Variants in TBC1D22B observed in about 807,000 individuals in gnomAD.
TBC1D22B encodes the protein TBC1 domain family member 22B, also known as chromosome 6 open reading frame 197.
Under a neutral mutation model 69.1 loss-of-function variants are expected in TBC1D22B, and 32 were observed. That is an observed-to-expected ratio of 0.46 (90% confidence interval 0.35 to 0.62). The LOEUF (loss-of-function observed/expected upper bound fraction) is 0.62, where lower values mean the gene tolerates loss of function less well. Among genes scored for constraint, TBC1D22B ranks in the 20% least tolerant of loss-of-function variants. The pLI, the probability that TBC1D22B is intolerant of heterozygous loss-of-function variation, is 0.00. For synonymous variants in TBC1D22B, 206 were observed against 229.8 expected (o/e 0.90, Z 0.94); for missense variants, 462 against 630.9 (o/e 0.73, Z 2.87).
intron 8 of TBC1D22B, among the ~76,000 whole-genome samples, chr6:37,306,550 A>T (rs1562060545): frequency 6.6e-6 from 1 of 152,148 alleles, no homozygotes; most frequent in Non-Finnish European, 1.5e-5. Flanking sequence ...CCAAATACTC[A>T]GAGTTTGGGC....
intron 7 of TBC1D22B, among the ~76,000 whole-genome samples, chr6:37,288,038 A>G (rs1271949111): frequency 6.6e-6 from 1 of 152,228 alleles, no homozygotes; most frequent in African/African-American, 2.4e-5. Flanking sequence ...AGTAGCCAGG[A>G]CACTAAGTAC....
intron 2 of TBC1D22B, among the ~76,000 whole-genome samples, chr6:37,276,032 A>G (rs183777641): frequency 3.8e-4 from 55 of 146,360 alleles, no homozygotes; most frequent in African/African-American, 1.1e-3. Flanking sequence ...TGGCACAATT[A>G]TGGCTCACTG....
rs116339570 is a variant in TBC1D22B at position 37,309,960 on chromosome 6, T to C, written c.983-2958T>C. ...AATTATATAATATTAAAATATAATA[T>C]AAAACATAATATAAAATATTAGGTA... On this transcript the variant is annotated intron_variant, in intron 8 of 12. Coordinates refer to ENST00000373491, the MANE Select transcript of TBC1D22B (RefSeq NM_017772.4). 7.7e-3 allele frequency among the ~76,000 whole-genome samples: 1,144 copies of C among 147,786 alleles called. 7 individuals carry two copies. The highest frequency in any genetic ancestry group is 0.029 in the Middle Eastern group (8 of 280).
intron 5 of TBC1D22B, 49 bp downstream of exon 5, chr6:37,283,001 C>A (rs755230563): frequency 6.5e-7 from 1 of 1,544,564 alleles, no homozygotes; most frequent in Non-Finnish European, 8.9e-7. Flanking sequence ...CACAGCCCTT[C>A]TTGCCTGATG....
chr6:37,313,359 G>A (rs563275680), intron 9 of TBC1D22B, among the ~76,000 whole-genome samples: 10 of 152,170 alleles, frequency 6.6e-5, no homozygotes, highest in East Asian at 3.9e-4. Context: ...GCGTGGTGGC[G>A]TGTGCCTATA....
rs761518228 is a variant in TBC1D22B, at chr6:37,284,369, T to C, written c.706T>C (p.Leu236=). 1.2e-6 allele frequency: 2 copies of C among 1,614,048 alleles called. No individual in the cohort carries two copies. Among genetic ancestry groups the C allele is most frequent in the Admixed American group, 3.3e-5 (2 of 59,978 alleles). The change falls in exon 6 of 13, where the codon TTG becomes CTG. Residue 236 remains leucine (L), a synonymous_variant. Transcript: ENST00000373491. ...CCCAGCAAACACTGAGAGGAGGAAG[T>C]TGACCCTGCAGCGGAAGCGGGAGGA... is the stretch of plus-strand genomic sequence containing the variant. ...YLPANTERRK[L]TLQRKREEYF...
In TBC1D22B at chr6:37,331,116, G is replaced by A. The variant is rs1396964945; in HGVS notation, c.1462G>A (p.Glu488Lys). The change falls in exon 13 of 13, where the codon GAG becomes AAG. Residue 488 changes from glutamate (E) to lysine (K), a missense_variant. This residue lies in a region of TBC1D22B where 225 missense variants were observed against 375.4 expected (regional missense o/e 0.60). Coordinates refer to ENST00000373491, the MANE Select transcript of TBC1D22B (RefSeq NM_017772.4). ...GNEEIGLLLAEAYRLKYMFAD... is the reference protein window; with the variant it reads ...GNEEIGLLLAKAYRLKYMFAD... ...CGAAGAAATTGGGCTGCTTCTCGCC[G>A]AGGCATACAGACTCAAGTACATGTT... 5 of 1,614,066 alleles carry A rather than the reference G, an allele frequency of 3.1e-6. No homozygotes were observed. Among genetic ancestry groups the A allele is most frequent in the East Asian group, 2.2e-5 (1 of 44,872 alleles).
chr6:37,275,474 CCTT>C (rs757290360), intron 2 of TBC1D22B, among the ~76,000 whole-genome samples: 1 of 152,114 alleles, frequency 6.6e-6, no homozygotes, highest in African/African-American at 2.4e-5. Context: ...TAGGCCCTGA[CCTT>C]CTTCTTTTTA....
intron 12 of TBC1D22B, among the ~76,000 whole-genome samples, chr6:37,327,083 G>A (rs536963462): frequency 7.6e-4 from 116 of 152,304 alleles, no homozygotes; most frequent in African/African-American, 2.5e-3. Flanking sequence ...GAAGGAGGTA[G>A]GAAGCAGCAG....
chr6:37,265,897 CTCT>C (rs1766257173), intron 1 of TBC1D22B, among the ~76,000 whole-genome samples: 1 of 151,992 alleles, frequency 6.6e-6, no homozygotes, highest in Non-Finnish European at 1.5e-5. Flanking sequence ...TTAGGATCAC[CTCT>C]GTTATGTGAA....
chr6:37,317,867 G>A (rs1768127176), intron 12 of TBC1D22B, among the ~76,000 whole-genome samples: 1 of 152,162 alleles, frequency 6.6e-6, no homozygotes, highest in Admixed American at 6.5e-5. Flanking sequence ...TCAGGCAGCA[G>A]CATGCCTGAG....
At chr6:37,328,282 G>T (rs749939643) in intron 12 of TBC1D22B, among the ~76,000 whole-genome samples, 19 of 152,150 alleles carry the variant, frequency 1.2e-4, no homozygotes, top group Non-Finnish European at 2.6e-4. Context: ...TCCAGCCTGG[G>T]CAATAGAGCA....
At chr6:37,291,459 T>C (rs1767180702) in intron 8 of TBC1D22B, 102 bp downstream of exon 8, 4 of 813,386 alleles carry the variant, frequency 4.9e-6, no homozygotes, top group Non-Finnish European at 7.6e-6. Context: ...TATGTCTTGC[T>C]AGAAAATAGA....
intron 8 of TBC1D22B, among the ~76,000 whole-genome samples, chr6:37,306,345 G>A (rs1387230785): frequency 1.3e-5 from 2 of 152,180 alleles, no homozygotes; most frequent in Non-Finnish European, 2.9e-5. Flanking sequence ...GAAGATATTT[G>A]AGCCTACATG....
chr6:37,327,422 G>A (rs935342525), intron 12 of TBC1D22B, among the ~76,000 whole-genome samples: 3 of 84,460 alleles, frequency 3.6e-5, no homozygotes, highest in Non-Finnish European at 6.3e-5. Context: ...AGCTTGCAGT[G>A]AGCCGAGATC....
chr6:37,267,668 T>C (rs1295581172), intron 1 of TBC1D22B, among the ~76,000 whole-genome samples: 1 of 151,544 alleles, frequency 6.6e-6, no homozygotes, highest in East Asian at 1.9e-4. Flanking sequence ...ACAGTACCTG[T>C]TGGCTCCCTA....
chr6:37,260,452 T>G (rs1766049677), intron 1 of TBC1D22B, among the ~76,000 whole-genome samples: 1 of 152,222 alleles, frequency 6.6e-6, no homozygotes, highest in East Asian at 1.9e-4. Flanking sequence ...GAATGAAACA[T>G]TCTTTTTAAA....
At position 37,330,063 on chromosome 6, in the gene TBC1D22B, T is replaced by G. The variant is rs1017915420; in HGVS notation, c.1390-981T>G. Among the ~76,000 whole-genome samples the G allele has an allele frequency of 1.2e-4, 19 of 152,288 alleles. No homozygotes were observed. The South Asian group carries it at 3.9e-3, about 32-fold the overall frequency. ...GCAGGGTTTGTAAGTCATCATAGTG[T>G]GAGTGGCCACTGGCATTAGTGCGTT... On this transcript the variant is annotated intron_variant, in intron 12 of 12. Transcript: ENST00000373491.
At chr6:37,290,828 CA>C (rs35844447) in intron 7 of TBC1D22B, among the ~76,000 whole-genome samples, 7,480 of 142,146 alleles carry the variant, frequency 0.053, 221 homozygotes, top group Non-Finnish European at 0.074. Flanking sequence ...CTATAATGAC[CA>C]AAAAAAAAAA....
Sources: gnomAD v4.1 joint callset for allele counts (sites outside exome capture counted in the v4.1 genomes callset) on GRCh38, gnomAD v4.1.1 for gene constraint, gnomAD v4.1.1 regional missense constraint, MANE v1.5 for transcripts, NCBI Gene and HGNC (gene_info 2026-07-23, HGNC 2026-07-21) for gene names.